Variants in MAN1A1 observed in about 807,000 individuals in gnomAD.
MAN1A1 encodes mannosyl-oligosaccharide 1,2-alpha-mannosidase IA.
In MAN1A1, 29 loss-of-function variants were observed where a neutral mutation model predicts 70.8. That is an observed-to-expected ratio of 0.41 (90% confidence interval 0.31 to 0.56). The LOEUF (loss-of-function observed/expected upper bound fraction) is 0.56. Among genes scored for constraint, MAN1A1 ranks in the 20% least tolerant of loss-of-function variants. The pLI is 0.29. For synonymous variants in MAN1A1, 349 were observed against 330.1 expected (o/e 1.06, Z -0.62); for missense variants, 747 against 841.3 (o/e 0.89, Z 1.39).
At chr6:119,332,089 A>G (rs1773333126) in intron 2 of MAN1A1, 1 of 399,150 alleles carries the variant, frequency 2.5e-6, no homozygotes. Flanking sequence ...TTTAATGAGA[A>G]TATGTACATA....
At chr6:119,218,357 G>A (rs1018112932) in intron 6 of MAN1A1, among the ~76,000 whole-genome samples, 1 of 151,826 alleles carries the variant, frequency 6.6e-6, no homozygotes, top group Non-Finnish European at 1.5e-5. Flanking sequence ...TCCTAATTAG[G>A]TTCAGGAGAG....
At chr6:119,196,222 T>A (rs72956741) in intron 8 of MAN1A1, among the ~76,000 whole-genome samples, 3,630 of 151,690 alleles carry the variant, frequency 0.024, 65 homozygotes, top group South Asian at 0.063. Flanking sequence ...GGATTTTTTT[T>A]AAAAAAGAAA....
intron 5 of MAN1A1, among the ~76,000 whole-genome samples, chr6:119,248,790 A>T (rs549955364): frequency 6.6e-6 from 1 of 152,322 alleles, no homozygotes; most frequent in African/African-American, 2.4e-5. Flanking sequence ...TACCTTCAGC[A>T]CTATTATTTA....
chr6:119,279,401 C>A (rs1776166398), intron 5 of MAN1A1, among the ~76,000 whole-genome samples: 1 of 152,156 alleles, frequency 6.6e-6, no homozygotes, highest in Non-Finnish European at 1.5e-5. Flanking sequence ...TAACTAAAAC[C>A]AACTAACTGC....
intron 6 of MAN1A1, among the ~76,000 whole-genome samples, chr6:119,219,896 C>A (rs1157500241): frequency 6.6e-6 from 1 of 150,408 alleles, no homozygotes; most frequent in Non-Finnish European, 1.5e-5. Context: ...ACACATTATA[C>A]AACTTAGTAA....
At chr6:119,267,285 T>C (rs538328110) in intron 5 of MAN1A1, among the ~76,000 whole-genome samples, 1 of 152,354 alleles carries the variant, frequency 6.6e-6, no homozygotes, top group South Asian at 2.1e-4. Context: ...ACTGGACAGA[T>C]GTTTACAGCA....
At chr6:119,201,910 G>A (rs1439989663) in intron 7 of MAN1A1, among the ~76,000 whole-genome samples, 2 of 152,010 alleles carry the variant, frequency 1.3e-5, no homozygotes, top group African/African-American at 4.8e-5. Context: ...CTTTGTATAG[G>A]GCATTTATCA....
chr6:119,304,643 G>C (rs767206645), intron 3 of MAN1A1, among the ~76,000 whole-genome samples: 7 of 152,042 alleles, frequency 4.6e-5, no homozygotes, highest in Non-Finnish European at 1.0e-4. Context: ...ACTCTGTCTA[G>C]GAAAAAGATG....
rs574798731 is a variant in MAN1A1 at position 119,349,213 on chromosome 6, C to T, written c.-148G>A. On this transcript the variant is annotated 5_prime_UTR_variant, in exon 2 of 13. Coordinates refer to ENST00000368468, the MANE Select transcript of MAN1A1 (RefSeq NM_005907.4). ...CTGCGGATCCTCCCTGGGGGAACAA[C>T]TCCGCGCCGGGTCTTCTCCCCGGGG... 214 of 1,215,944 alleles carry T rather than the reference C, an allele frequency of 1.8e-4. 3 individuals carry two copies. The East Asian group carries it at 7.1e-3, about 40-fold the overall frequency. 75.3% of individuals were successfully genotyped at this position (1,215,944 alleles called of 1,614,324 possible).
At chr6:119,263,757 ATCTT>A (rs1242597854) in intron 5 of MAN1A1, among the ~76,000 whole-genome samples, 2 of 152,136 alleles carry the variant, frequency 1.3e-5, no homozygotes, top group Non-Finnish European at 2.9e-5. Context: ...AAAAAAAAGA[ATCTT>A]TATTATATAT....
At chr6:119,249,813 A>T (rs1775269290) in intron 5 of MAN1A1, among the ~76,000 whole-genome samples, 1 of 152,142 alleles carries the variant, frequency 6.6e-6, no homozygotes. Context: ...CTTAAAAAAA[A>T]ATTTTTTTTA....
intron 6 of MAN1A1, among the ~76,000 whole-genome samples, chr6:119,218,607 G>T (rs528482025): frequency 1.3e-5 from 2 of 151,394 alleles, no homozygotes; most frequent in Non-Finnish European, 1.5e-5. Flanking sequence ...GCCACTGCCT[G>T]TACTGAGTTT....
chr6:119,196,739 T>G (rs563379506), intron 8 of MAN1A1, among the ~76,000 whole-genome samples: 1 of 152,184 alleles, frequency 6.6e-6, no homozygotes, highest in Non-Finnish European at 1.5e-5. Context: ...TTAAAATTTT[T>G]GTTGACTTCA....
intron 9 of MAN1A1, among the ~76,000 whole-genome samples, chr6:119,192,418 C>T (rs900405316): frequency 3.3e-5 from 5 of 152,140 alleles, no homozygotes; most frequent in Non-Finnish European, 7.4e-5. Flanking sequence ...CTCACTAAGG[C>T]GCTTCTGGTT....
chr6:119,200,204 C>CATGT (rs1184390137), intron 8 of MAN1A1, among the ~76,000 whole-genome samples: 1 of 152,108 alleles, frequency 6.6e-6, no homozygotes, highest in Non-Finnish European at 1.5e-5. Flanking sequence ...ATGACTAAGA[C>CATGT]ATGTATTATA....
intron 6 of MAN1A1, among the ~76,000 whole-genome samples, chr6:119,235,850 A>G (rs562434488): frequency 6.6e-6 from 1 of 152,148 alleles, no homozygotes; most frequent in Non-Finnish European, 1.5e-5. Flanking sequence ...GAATTACACT[A>G]AATCTGGCTG....
intron 6 of MAN1A1, among the ~76,000 whole-genome samples, chr6:119,221,965 T>G (rs557064246): frequency 6.6e-6 from 1 of 152,200 alleles, no homozygotes. Flanking sequence ...GGAAATTATT[T>G]TGAAGAAGTC....
chr6:119,329,228 T>C (rs1247512514), intron 2 of MAN1A1, among the ~76,000 whole-genome samples: 1 of 152,226 alleles, frequency 6.6e-6, no homozygotes, highest in African/African-American at 2.4e-5. Context: ...TTACAAAGTC[T>C]ATTAGTGTTT....
At chr6:119,236,002 G>A (rs1054216506) in intron 6 of MAN1A1, among the ~76,000 whole-genome samples, 2 of 152,076 alleles carry the variant, frequency 1.3e-5, no homozygotes, top group Non-Finnish European at 2.9e-5. Flanking sequence ...AACCAGGTGT[G>A]GTGGTGTGCT....
Sources: allele counts gnomAD v4.1 joint callset (sites outside exome capture counted in the v4.1 genomes callset), GRCh38; gene constraint gnomAD v4.1.1; transcripts MANE v1.5; gene names NCBI Gene and HGNC (gene_info 2026-07-23, HGNC 2026-07-21).